AGO3: variants seen among roughly 807,000 people sequenced by gnomAD.
AGO3 encodes the protein argonaute RISC catalytic component 3, also known as protein argonaute-3.
Under a neutral mutation model 105.5 loss-of-function variants are expected in AGO3, and 16 were observed. That is an observed-to-expected ratio of 0.15 (90% CI 0.10 to 0.23). The LOEUF is 0.23. Ranked by LOEUF, AGO3 falls within the 10% of genes least tolerant of loss-of-function variation. The pLI is 1.00. For missense variants in AGO3, 534 were observed against 1,088.0 expected (o/e 0.49, Z 7.16); for synonymous variants, 340 against 367.3 (o/e 0.93, Z 0.85).
Position 36,068,618 on chromosome 1 carries a change from AC to A in AGO3, c.*12874del, listed in dbSNP as rs755976925. ...ATAGCTTATGGTTTTGATAAATTGG[AC>A]TCTGATTTAAACTTTAAAATGTTAT... On this transcript the variant is annotated 3_prime_UTR_variant, in exon 19 of 19. Transcript: ENST00000373191. 2.0e-5 allele frequency: 3 copies of A among 152,212 alleles called. No individual in the cohort carries two copies. Among genetic ancestry groups the A allele is most frequent in the Non-Finnish European group, 4.4e-5 (3 of 68,046 alleles). The allele number at this position is 152,212 out of a possible 1,614,324, so 9.4% of individuals were successfully genotyped here. A position where few individuals can be genotyped will look rare whatever the true frequency, so the allele number is the denominator to read the frequency against.
At chr1:36,023,782 A>T (rs1043844279) in intron 11 of AGO3, among the ~76,000 whole-genome samples, 6 of 152,214 alleles carry the variant, frequency 3.9e-5, no homozygotes, top group Non-Finnish European at 7.3e-5. Flanking sequence ...CCAGGTGAGG[A>T]TTAACTAAGA....
intron 11 of AGO3, 32 bp downstream of exon 11, chr1:36,014,080 T>A: frequency 1.2e-6 from 2 of 1,613,330 alleles, no homozygotes; most frequent in Middle Eastern, 1.7e-4. Context: ...GCTTTGGGAC[T>A]TTTTTGTGTT....
At chr1:36,054,195 C>G (rs572396616) in intron 17 of AGO3, among the ~76,000 whole-genome samples, 1 of 152,218 alleles carries the variant, frequency 6.6e-6, no homozygotes, top group Non-Finnish European at 1.5e-5. Flanking sequence ...AGCAAATAAC[C>G]AATAATATTT....
At chr1:35,931,699 T>C (rs1646052489) in intron 1 of AGO3, among the ~76,000 whole-genome samples, 1 of 152,262 alleles carries the variant, frequency 6.6e-6, no homozygotes, top group South Asian at 2.1e-4. Context: ...TAGGCGGCAT[T>C]ACTCTTTGCT....
chr1:35,941,583 T>G (rs1298771100), intron 1 of AGO3, among the ~76,000 whole-genome samples: 1 of 152,102 alleles, frequency 6.6e-6, no homozygotes, highest in East Asian at 1.9e-4. Context: ...CCATCCCAAT[T>G]CTCCTACTTA....
intron 1 of AGO3, among the ~76,000 whole-genome samples, chr1:35,935,101 C>G (rs1389088239): frequency 6.6e-6 from 1 of 152,050 alleles, no homozygotes; most frequent in African/African-American, 2.4e-5. Context: ...CCTGGAGTGA[C>G]CATTATGACT....
chr1:36,022,476 G>T (rs1185624270), intron 11 of AGO3, among the ~76,000 whole-genome samples: 1 of 151,982 alleles, frequency 6.6e-6, no homozygotes, highest in Non-Finnish European at 1.5e-5. Context: ...GCTGCTTTAG[G>T]GTCCTAACAT....
At chr1:35,956,735 G>A (rs746363673) in intron 2 of AGO3, among the ~76,000 whole-genome samples, 50 of 150,100 alleles carry the variant, frequency 3.3e-4, no homozygotes, top group Non-Finnish European at 6.6e-4. Flanking sequence ...TGCAACCTCC[G>A]CCTTCCAGGG....
rs939240057 is a variant in AGO3, at chr1:36,043,240, G to A, written c.2173-207G>A. On this transcript the variant is annotated intron_variant, in intron 16 of 18. Coordinates refer to ENST00000373191, the MANE Select transcript of AGO3 (RefSeq NM_024852.4). ...AGTAGTAGAGACTGTATTAGGTTTT[G>A]TTGTGTATCAGCGCTCACTTTCAGC... 37 of 545,242 alleles carry A rather than the reference G, an allele frequency of 6.8e-5. No homozygotes were observed. In the Admixed American group the frequency reaches 1.3e-3, roughly 19 times the overall value. The allele number at this position is 545,242 out of a possible 1,614,324, so 33.8% of individuals were successfully genotyped here. A position where few individuals can be genotyped will look rare whatever the true frequency, so the allele number is the denominator to read the frequency against.
At position 35,931,374 on chromosome 1, in the gene AGO3, G is replaced by A; in HGVS notation, c.-53G>A. 1.4e-6 allele frequency: 2 copies of A among 1,412,562 alleles called. No homozygotes were observed. The highest frequency in any genetic ancestry group is 1.6e-5 in the South Asian group (1 of 62,512). 87.5% of individuals were successfully genotyped at this position (1,412,562 alleles called of 1,614,324 possible). ...GCGTCGCCCCCCGGGCCGCCTCCTT[G>A]CCGCCAGTGGCGGGCTCCGTTCTCC... On this transcript the variant is annotated 5_prime_UTR_variant, in exon 1 of 19. Coordinates refer to ENST00000373191, the MANE Select transcript of AGO3 (RefSeq NM_024852.4).
chr1:36,045,097 A>G (rs904924464), intron 17 of AGO3, among the ~76,000 whole-genome samples: 1 of 152,120 alleles, frequency 6.6e-6, no homozygotes, highest in Non-Finnish European at 1.5e-5. Flanking sequence ...CTTTACAATT[A>G]ATGTTGTACA....
At chr1:36,048,751 G>A (rs1197151321) in intron 17 of AGO3, among the ~76,000 whole-genome samples, 1 of 152,166 alleles carries the variant, frequency 6.6e-6, no homozygotes, top group African/African-American at 2.4e-5. Context: ...GTACAGTGGT[G>A]CAATCTCAAC....
chr1:36,054,877 G>T, intron 17 of AGO3, 69 bp from the exon 18 acceptor site: 1 of 1,477,026 alleles, frequency 6.8e-7, no homozygotes. Context: ...GCAAGACTTT[G>T]TCTCAAAAAA....
intron 3 of AGO3, among the ~76,000 whole-genome samples, chr1:35,969,910 A>G (rs548260080): frequency 6.6e-5 from 10 of 152,230 alleles, no homozygotes; most frequent in African/African-American, 1.4e-4. Flanking sequence ...AATACATTGT[A>G]AAAGATTGTT....
rs1468021150 is a variant in AGO3, at chr1:36,056,535, G to A, written c.*790G>A. On this transcript the variant is annotated 3_prime_UTR_variant, in exon 19 of 19. Coordinates refer to ENST00000373191, the MANE Select transcript of AGO3 (RefSeq NM_024852.4). ...ACACAATTCTGAGTTCTCAACTCTT[G>A]ATATTGCTGTCTTAAGAAACAAAAT... 6.6e-6 allele frequency: 1 copy of A among 151,876 alleles called. No homozygotes were observed. The highest frequency in any genetic ancestry group is 2.4e-5 in the African/African-American group (1 of 41,334). The allele number at this position is 151,876 out of a possible 1,614,324, so 9.4% of individuals were successfully genotyped here.
chr1:35,987,082 C>A (rs1290881986), intron 5 of AGO3, among the ~76,000 whole-genome samples: 1 of 151,648 alleles, frequency 6.6e-6, no homozygotes, highest in Non-Finnish European at 1.5e-5. Flanking sequence ...AACCCTAGCA[C>A]TTCGGGAGGC....
At chr1:36,009,121 T>G (rs566430424) in intron 8 of AGO3, 77 bp downstream of exon 8, 111 of 1,364,896 alleles carry the variant, frequency 8.1e-5, no homozygotes, top group Non-Finnish European at 1.0e-4. Flanking sequence ...ATAACTTACC[T>G]CATACAGAAC....
chr1:36,010,868 T>C (rs1256933220), intron 9 of AGO3, among the ~76,000 whole-genome samples: 20 of 136,546 alleles, frequency 1.5e-4, no homozygotes, highest in Non-Finnish European at 2.9e-4. Context: ...ATTGTGCCAT[T>C]GCACTCCAGC....
intron 16 of AGO3, among the ~76,000 whole-genome samples, chr1:36,041,467 T>A (rs1276113413): frequency 1.3e-5 from 2 of 152,120 alleles, no homozygotes; most frequent in East Asian, 3.9e-4. Flanking sequence ...GGTCTCGATC[T>A]CCTCACTTTG....
Sources: gnomAD v4.1 joint callset for allele counts (sites outside exome capture counted in the v4.1 genomes callset) on GRCh38, gnomAD v4.1.1 for gene constraint, MANE v1.5 for transcripts, NCBI Gene and HGNC (gene_info 2026-07-23, HGNC 2026-07-21) for gene names.